CDK6: variants seen among roughly 807,000 people sequenced by gnomAD.
CDK6 encodes the protein cyclin-dependent kinase 6.
A neutral mutation model predicts 37.1 loss-of-function variants in CDK6; 6 were observed. That is an observed-to-expected ratio of 0.16 (90% confidence interval 0.09 to 0.32). The LOEUF (loss-of-function observed/expected upper bound fraction) is 0.32, where lower values mean the gene tolerates loss of function less well. CDK6 is among the 10% of genes least tolerant of loss of function. The probability of loss-of-function intolerance (pLI) is 1.00; values close to 1 mark genes in which losing one functional copy is unlikely to be tolerated. For synonymous variants in CDK6, 160 were observed against 161.3 expected, an observed-to-expected ratio of 0.99 and a Z score of 0.06; for missense variants, 224 against 418.9, an observed-to-expected ratio of 0.53 and a Z score of 4.06.
In CDK6 at chr7:92,835,481, T is replaced by TTTG. The variant is rs948155600; in HGVS notation, c.-368+994_-368+996dup. Among the ~76,000 whole-genome samples the TTTG allele has an allele frequency of 6.6e-6, 1 of 152,104 alleles. No homozygotes were observed. The highest frequency in any genetic ancestry group is 1.5e-5 in the Non-Finnish European group (1 of 67,992). On this transcript the variant is annotated intron_variant, in intron 1 of 7. Coordinates refer to ENST00000424848, the MANE Select transcript of CDK6 (RefSeq NM_001145306.2). This position sits in a 1 kb window ranked among gnomAD's most constrained non-coding sequence, Gnocchi z 4.2. The stretch of plus-strand genomic sequence containing the variant: ...TTTCCCCCCCTCTCCTCCACTTTTT[T>TTTG]TTGTTGTTGTTGTTGCTTTCCCACG...
intron 2 of CDK6, among the ~76,000 whole-genome samples, chr7:92,828,302 C>A (rs939342686): frequency 6.6e-6 from 1 of 152,144 alleles, no homozygotes; most frequent in African/African-American, 2.4e-5. Context: ...GTCATTCATT[C>A]CTGGCAAACT....
intron 2 of CDK6, among the ~76,000 whole-genome samples, chr7:92,808,472 T>C (rs11974095): frequency 0.094 from 14,372 of 152,300 alleles, 940 homozygotes; most frequent in African/African-American, 0.19. Flanking sequence ...AATGATTCAC[T>C]TAAAGTGCCT....
At chr7:92,709,364 C>T (rs911489319) in intron 4 of CDK6, among the ~76,000 whole-genome samples, 6 of 152,076 alleles carry the variant, frequency 3.9e-5, no homozygotes, top group African/African-American at 1.2e-4. Flanking sequence ...ACACCTTTCC[C>T]TGTGCTTTGC....
At chr7:92,830,999 G>A (rs532103462) in intron 2 of CDK6, among the ~76,000 whole-genome samples, 29 of 152,300 alleles carry the variant, frequency 1.9e-4, no homozygotes, top group Admixed American at 1.1e-3. Flanking sequence ...GATATCTGAA[G>A]TACTTTCAAA....
intron 5 of CDK6, among the ~76,000 whole-genome samples, chr7:92,658,318 C>A (rs937623841): frequency 6.6e-6 from 1 of 152,160 alleles, no homozygotes; most frequent in Non-Finnish European, 1.5e-5. Context: ...TACTGCAACA[C>A]TGTTTGCAGT....
At chr7:92,768,632 T>C (rs959383836) in intron 3 of CDK6, among the ~76,000 whole-genome samples, 2 of 152,212 alleles carry the variant, frequency 1.3e-5, no homozygotes, top group African/African-American at 4.8e-5. Flanking sequence ...AAGATCTTTA[T>C]CATTATGGTA....
intron 5 of CDK6, among the ~76,000 whole-genome samples, chr7:92,636,329 G>C (rs763379756): frequency 6.6e-6 from 1 of 152,148 alleles, no homozygotes; most frequent in Non-Finnish European, 1.5e-5. Context: ...AAAGTGCTGG[G>C]ATTACAGGCG....
intron 3 of CDK6, among the ~76,000 whole-genome samples, chr7:92,756,459 C>T (rs894888251): frequency 2.0e-5 from 3 of 152,098 alleles, no homozygotes; most frequent in African/African-American, 7.2e-5. Flanking sequence ...AAAGTTTTAA[C>T]CAGTTGATGT....
chr7:92,771,106 C>T (rs1008017988), intron 3 of CDK6, among the ~76,000 whole-genome samples: 5 of 151,324 alleles, frequency 3.3e-5, no homozygotes, highest in East Asian at 1.9e-4. Context: ...CGTGGTGGCC[C>T]GTGCCTGTAA....
At chr7:92,810,612 A>T (rs1800853084) in intron 2 of CDK6, among the ~76,000 whole-genome samples, 1 of 152,248 alleles carries the variant, frequency 6.6e-6, no homozygotes, top group Non-Finnish European at 1.5e-5. Flanking sequence ...ACAAAACTTC[A>T]GTCTCAGGCT....
chr7:92,659,870 A>G (rs1036409848), intron 5 of CDK6, among the ~76,000 whole-genome samples: 4 of 152,156 alleles, frequency 2.6e-5, no homozygotes, highest in Non-Finnish European at 5.9e-5. Flanking sequence ...CCAGTGTTTT[A>G]GGGTCTTTTT....
intron 5 of CDK6, among the ~76,000 whole-genome samples, chr7:92,654,195 C>CTT (rs369450379): frequency 1.5e-3 from 211 of 143,172 alleles, no homozygotes; most frequent in African/African-American, 5.2e-3. Flanking sequence ...ATTCTTGTGG[C>CTT]TTTTTTTTTT....
intron 5 of CDK6, among the ~76,000 whole-genome samples, chr7:92,642,586 GA>G (rs1304734484): frequency 3.9e-5 from 6 of 152,272 alleles, no homozygotes; most frequent in African/African-American, 1.4e-4. Context: ...TTAACATTAT[GA>G]ACAGGAAGTT....
intron 2 of CDK6, among the ~76,000 whole-genome samples, chr7:92,797,699 C>G (rs896735556): frequency 2.0e-5 from 3 of 152,186 alleles, no homozygotes; most frequent in African/African-American, 7.2e-5. Flanking sequence ...TCAGGACTAC[C>G]CTGGTTTGTT....
intron 2 of CDK6, among the ~76,000 whole-genome samples, chr7:92,831,577 G>T (rs1022664021): frequency 2.0e-5 from 3 of 152,010 alleles, no homozygotes; most frequent in Non-Finnish European, 4.4e-5. Flanking sequence ...AACGGATTTT[G>T]TTGTTTTTAA....
intron 4 of CDK6, among the ~76,000 whole-genome samples, chr7:92,721,070 T>TA (rs1208403609): frequency 6.6e-6 from 1 of 152,120 alleles, no homozygotes; most frequent in African/African-American, 2.4e-5. Context: ...ACTTTTCTGA[T>TA]AAAAATAACC....
rs1441468327 is a variant in CDK6 at position 92,826,974 on chromosome 7, C to T, written c.233+6117G>A. Among the ~76,000 whole-genome samples the T allele has an allele frequency of 2.0e-5, 3 of 152,140 alleles. No individual in the cohort carries two copies. In the East Asian group the frequency reaches 5.8e-4, roughly 29 times the overall value. On this transcript the variant is annotated intron_variant, in intron 2 of 7. Transcript: ENST00000424848. The stretch of plus-strand genomic sequence containing the variant: ...AGTCACTAAACTGAAAATACTTTTA[C>T]ATCTCAAGGGATTTTTTTCTGGTAT...
rs377487229 is a variant in CDK6, at chr7:92,734,878, G to C, written c.370-9085C>G. Among the ~76,000 whole-genome samples the C allele has an allele frequency of 1.5e-3, 234 of 152,274 alleles. 1 individual carries two copies. Among genetic ancestry groups the C allele is most frequent in the African/African-American group, 5.4e-3 (225 of 41,566 alleles). Reference sequence around the variant, plus strand: ...TGACTATAATGAACACTGACACACTGAACAAAAACAATGAAGGATGCTTCC... The same window carrying C: ...TGACTATAATGAACACTGACACACTCAACAAAAACAATGAAGGATGCTTCC... On this transcript the variant is annotated intron_variant, in intron 3 of 7. Coordinates refer to ENST00000424848, the MANE Select transcript of CDK6 (RefSeq NM_001145306.2).
At chr7:92,695,121 T>C (rs931000384) in intron 4 of CDK6, among the ~76,000 whole-genome samples, 1 of 152,100 alleles carries the variant, frequency 6.6e-6, no homozygotes, top group Non-Finnish European at 1.5e-5. Context: ...AATAGACTTT[T>C]AAAGAACCAG....
Sources: allele counts gnomAD v4.1 joint callset (sites outside exome capture counted in the v4.1 genomes callset), GRCh38; gene constraint gnomAD v4.1.1; non-coding constraint Gnocchi (gnomAD v3.1); transcripts MANE v1.5; gene names NCBI Gene and HGNC (gene_info 2026-07-23, HGNC 2026-07-21).